Variants in FLNB observed in about 807,000 individuals in gnomAD.
FLNB encodes filamin-B.
A neutral mutation model predicts 250.6 loss-of-function variants in FLNB; 111 were observed. The observed-to-expected ratio is 0.44, with a 90% CI of 0.38 to 0.52. FLNB has a LOEUF of 0.52. FLNB is among the 20% of genes least tolerant of loss of function. FLNB has a pLI of 0.00. For missense variants in FLNB, 2,869 were observed against 3,447.8 expected, an observed-to-expected ratio of 0.83 and a Z score of 4.20; for synonymous variants, 1,302 against 1,372.1, an observed-to-expected ratio of 0.95 and a Z score of 1.13.
intron 1 of FLNB, among the ~76,000 whole-genome samples, chr3:58,042,268 T>G (rs2097147071): frequency 6.6e-6 from 1 of 152,296 alleles, no homozygotes; most frequent in South Asian, 2.1e-4. Flanking sequence ...TAGATTTGCA[T>G]TAGCTCTGTT....
At chr3:58,052,630 G>A (rs377632745) in intron 1 of FLNB, among the ~76,000 whole-genome samples, 3 of 152,170 alleles carry the variant, frequency 2.0e-5, no homozygotes, top group African/African-American at 4.8e-5. Context: ...TCATGACATC[G>A]GTGTGGATGG....
intron 23 of FLNB, among the ~76,000 whole-genome samples, chr3:58,126,001 C>T (rs1325277439): frequency 6.6e-6 from 1 of 152,148 alleles, no homozygotes. Flanking sequence ...AAATTTGTAG[C>T]CAACCTTGTA....
At position 58,150,011 on chromosome 3, in the gene FLNB, A is replaced by G; in HGVS notation, c.6244+9A>G. On this transcript the variant is annotated intron_variant, in intron 37 of 45. Coordinates refer to ENST00000295956, the MANE Select transcript of FLNB (RefSeq NM_001457.4). ...TGACGAGCACGTGCCTGGTATGTGC[A>G]TTCCATTCCCCTCCAGGTGGGATGC... is the stretch of plus-strand genomic sequence containing the variant. 6.2e-7 allele frequency: 1 copy of G among 1,614,270 alleles called. No homozygotes were observed. Among genetic ancestry groups the G allele is most frequent in the South Asian group, 1.1e-5 (1 of 91,088 alleles).
chr3:58,128,669 C>A (rs992077131), intron 24 of FLNB, among the ~76,000 whole-genome samples: 9 of 152,054 alleles, frequency 5.9e-5, no homozygotes, highest in Non-Finnish European at 1.2e-4. Context: ...ACCTGGCAGG[C>A]AACAGTGGAG....
At chr3:58,050,275 G>A (rs776730203) in intron 1 of FLNB, among the ~76,000 whole-genome samples, 1 of 151,976 alleles carries the variant, frequency 6.6e-6, no homozygotes, top group Non-Finnish European at 1.5e-5. Flanking sequence ...TTATCCACCC[G>A]CCTCGGCCTC....
intron 4 of FLNB, among the ~76,000 whole-genome samples, chr3:58,087,749 C>CT (rs373691361): frequency 1.2e-4 from 18 of 147,220 alleles, no homozygotes; most frequent in Admixed American, 2.7e-4. Flanking sequence ...TGCGCCCAGC[C>CT]TTTTTTTTGA....
intron 1 of FLNB, among the ~76,000 whole-genome samples, chr3:58,013,273 G>A (rs1002452203): frequency 6.6e-6 from 1 of 152,174 alleles, no homozygotes; most frequent in South Asian, 2.1e-4. Flanking sequence ...TTCAGAGGAT[G>A]TGGTCTAACC....
chr3:58,103,602 A>ATAG (rs1318393651), intron 9 of FLNB, among the ~76,000 whole-genome samples: 6 of 152,120 alleles, frequency 3.9e-5, no homozygotes, highest in Non-Finnish European at 7.4e-5. Context: ...TTTGTGGGGG[A>ATAG]CTAGGAAGGG....
intron 15 of FLNB, 145 bp from the exon 16 acceptor site, chr3:58,109,865 C>T: frequency 1.4e-6 from 2 of 1,387,940 alleles, no homozygotes; most frequent in Non-Finnish European, 2.0e-6. Flanking sequence ...AATCCATCAT[C>T]CCTTTCCCCA....
At position 58,123,555 on chromosome 3, in the gene FLNB, C is replaced by T; in HGVS notation, c.3589C>T (p.Leu1197=). 6 of 1,608,938 alleles carry T rather than the reference C, an allele frequency of 3.7e-6. No individual in the cohort carries two copies. Among genetic ancestry groups the T allele is most frequent in the Non-Finnish European group, 5.1e-6 (6 of 1,178,036 alleles). Residue 1197 remains leucine, a synonymous_variant, in exon 21 of 46, where the codon CTG becomes TTG. Transcript: ENST00000295956. ...DGTYAVTYVP[L]TAGMYTLTMK... is the part of the protein sequence containing the mutation. The stretch of plus-strand genomic sequence containing the variant: ...CACCTACGCGGTGACCTACGTGCCC[C>T]TGACGGCCGGCATGTACACGTTGAC...
chr3:58,087,701 C>T (rs1032853172), intron 4 of FLNB, among the ~76,000 whole-genome samples: 2 of 152,044 alleles, frequency 1.3e-5, no homozygotes, highest in African/African-American at 2.4e-5. Context: ...CCACCTGCCT[C>T]GGCCTCCCGA....
chr3:58,103,735 ATCC>A (rs2097254754), intron 9 of FLNB, among the ~76,000 whole-genome samples: 1 of 151,988 alleles, frequency 6.6e-6, no homozygotes, highest in Non-Finnish European at 1.5e-5. Context: ...TAGCTGGGAA[ATCC>A]TCCATTTCCT....
At chr3:58,024,962 C>T (rs955444667) in intron 1 of FLNB, among the ~76,000 whole-genome samples, 49 of 149,992 alleles carry the variant, frequency 3.3e-4, no homozygotes, top group African/African-American at 1.1e-3. Flanking sequence ...CTGCCCGCCT[C>T]GGCCTCCCAA....
intron 42 of FLNB, among the ~76,000 whole-genome samples, chr3:58,161,004 T>C (rs913228172): frequency 6.6e-6 from 1 of 152,094 alleles, no homozygotes; most frequent in Non-Finnish European, 1.5e-5. Context: ...AAAAGGAATG[T>C]AGGCTCTGTG....
At position 58,111,971 on chromosome 3, in the gene FLNB, C is replaced by CCACCAA. The variant is rs1229918705; in HGVS notation, c.2575+103_2575+108dup. 1.4e-5 allele frequency: 17 copies of CCACCAA among 1,224,494 alleles called. No homozygotes were observed. The South Asian group carries it at 1.7e-4, about 12-fold the overall frequency. The allele number at this position is 1,224,494 out of a possible 1,614,324, so 75.9% of individuals were successfully genotyped here. A position where few individuals can be genotyped will look rare whatever the true frequency, so the allele number is the denominator to read the frequency against. On this transcript the variant is annotated intron_variant, in intron 17 of 45. Transcript: ENST00000295956. The stretch of plus-strand genomic sequence containing the variant: ...TCCACGGCCTTGAGGAACTTCATCT[C>CCACCAA]CACCAACACCAACACCAAGCTGGCA...
intron 1 of FLNB, among the ~76,000 whole-genome samples, chr3:58,041,928 A>G (rs753649028): frequency 1.8e-4 from 27 of 152,192 alleles, no homozygotes; most frequent in Admixed American, 6.5e-5. Flanking sequence ...TCTTGCCCCA[A>G]GTGCCCTCTT....
rs770228041 is a variant in FLNB, at chr3:58,110,062, G to A, written c.2376G>A (p.Glu792=). Residue 792 remains glutamate, a synonymous_variant, in exon 16 of 46, where the codon GAG becomes GAA. Transcript: ENST00000295956. Reference sequence around the variant, plus strand: ...ATGCCCGGGTGTTAAGTGAAGATGAGGAAGACGTGGATTTTGACATTATTC... The same window carrying A: ...ATGCCCGGGTGTTAAGTGAAGATGAAGAAGACGTGGATTTTGACATTATTC... ...KCDARVLSED[E]EDVDFDIIHN... 2.0e-5 allele frequency: 33 copies of A among 1,614,152 alleles called. No homozygotes were observed. The highest frequency in any genetic ancestry group is 3.3e-4 in the Middle Eastern group (2 of 6,060).
chr3:58,009,948 G>A (rs1339913910), intron 1 of FLNB, among the ~76,000 whole-genome samples: 1 of 152,198 alleles, frequency 6.6e-6, no homozygotes, highest in Non-Finnish European at 1.5e-5. Context: ...GGCTGTGATG[G>A]TAGGGGCTGT....
Position 58,098,754 on chromosome 3 carries a change from G to A in FLNB, c.1191G>A (p.Gln397=). ...GDIGVEVEDP[Q]GKNTVELLVE... is the part of the protein sequence containing the mutation. Reference sequence around the variant, plus strand: ...TTGGTGTGGAGGTGGAAGATCCCCAGGGGAAGAACACCGTGGAGTTGCTCG... The same window carrying A: ...TTGGTGTGGAGGTGGAAGATCCCCAAGGGAAGAACACCGTGGAGTTGCTCG... The change falls in exon 8 of 46, where the codon CAG becomes CAA. Residue 397 remains glutamine, a synonymous_variant. Transcript: ENST00000295956. The A allele has an allele frequency of 1.9e-6, 3 of 1,614,154 alleles. No homozygotes were observed. The highest frequency in any genetic ancestry group is 2.5e-6 in the Non-Finnish European group (3 of 1,180,030).
Sources: allele counts gnomAD v4.1 joint callset (sites outside exome capture counted in the v4.1 genomes callset), GRCh38; gene constraint gnomAD v4.1.1; transcripts MANE v1.5; gene names NCBI Gene and HGNC (gene_info 2026-07-23, HGNC 2026-07-21).